The following NARS2 variants were observed in gnomAD, a reference collection of about 807,000 sequenced individuals.
NARS2 encodes the protein asparaginyl-tRNA synthetase 2, mitochondrial.
A neutral mutation model predicts 62.9 loss-of-function variants in NARS2; 60 were observed. The ratio of observed to expected loss-of-function variants is 0.95; its 90% CI spans 0.77 to 1.18. The LOEUF (loss-of-function observed/expected upper bound fraction) is 1.18. NARS2 is among the 50% of genes most tolerant of loss of function. NARS2 has a pLI of 0.00. For missense variants in NARS2, 619 were observed against 576.4 expected, an observed-to-expected ratio of 1.07 and a Z score of -0.76; for synonymous variants, 196 against 200.0, an observed-to-expected ratio of 0.98 and a Z score of 0.17.
At chr11:78,553,213 T>C (rs1331819747) in intron 5 of NARS2, among the ~76,000 whole-genome samples, 1 of 152,208 alleles carries the variant, frequency 6.6e-6, no homozygotes. Context: ...ATCAGTGATA[T>C]TGAGCTTTTT....
chr11:78,457,417 A>C (rs756867998), intron 11 of NARS2, among the ~76,000 whole-genome samples: 12 of 152,164 alleles, frequency 7.9e-5, no homozygotes, highest in African/African-American at 2.7e-4. Flanking sequence ...CTACTAAAAG[A>C]AACAGAATTT....
At chr11:78,473,977 C>T (rs958377600) in intron 9 of NARS2, among the ~76,000 whole-genome samples, 9 of 152,254 alleles carry the variant, frequency 5.9e-5, no homozygotes, top group Admixed American at 5.9e-4. Context: ...GCTTCCCTAC[C>T]CTACACCCTG....
intron 6 of NARS2, among the ~76,000 whole-genome samples, chr11:78,494,573 G>A (rs1176730092): frequency 1.4e-5 from 2 of 147,564 alleles, no homozygotes; most frequent in Admixed American, 6.9e-5. Flanking sequence ...ATTTCAGTAA[G>A]ACCCAATTGG....
chr11:78,563,848 AAAAATAT>A (rs1200132765), intron 4 of NARS2, among the ~76,000 whole-genome samples: 94 of 57,734 alleles, frequency 1.6e-3, no homozygotes, highest in Admixed American at 2.5e-3. Flanking sequence ...AAAAAAAAAA[AAAAATAT>A]ATATATATAT....
At position 78,566,277 on chromosome 11, in the gene NARS2, C is replaced by T. The variant is rs1314032342; in HGVS notation, c.373-5G>A. On this transcript the variant is annotated splice_polypyrimidine_tract_variant and splice_region_variant and intron_variant, in intron 3 of 13. Transcript: ENST00000281038. ...TTTATATTTGATGGGGAAATCCTGC[C>T]AATAAATGAAAAGAACAAATTAGAA... 1 of 1,568,992 alleles carries T rather than the reference C, an allele frequency of 6.4e-7. No individual in the cohort carries two copies. Among genetic ancestry groups the T allele is most frequent in the South Asian group, 1.2e-5 (1 of 84,270 alleles).
chr11:78,447,354 A>G (rs1013167776), intron 11 of NARS2, among the ~76,000 whole-genome samples: 1 of 152,128 alleles, frequency 6.6e-6, no homozygotes, highest in African/African-American at 2.4e-5. Context: ...ATGAAAAATA[A>G]GTTTGGAGAG....
chr11:78,450,482 G>T (rs182676678), intron 11 of NARS2, among the ~76,000 whole-genome samples: 14 of 152,222 alleles, frequency 9.2e-5, no homozygotes, highest in Admixed American at 2.6e-4. Context: ...ATTCTCTCCA[G>T]TGGTCAGTCT....
intron 5 of NARS2, among the ~76,000 whole-genome samples, chr11:78,535,057 GTAT>G (rs933289167): frequency 2.6e-5 from 4 of 152,186 alleles, no homozygotes; most frequent in African/African-American, 9.6e-5. Flanking sequence ...ACATATAAAA[GTAT>G]TATATCAAAT....
rs762091547 is a variant in NARS2 at position 78,574,330 on chromosome 11, C to T, written c.141+18G>A. ...AAGTCCCTACAAGAAAAAACCCACT[C>T]CCTTCCCATTCACCAACCTGGATCT... is the stretch of plus-strand genomic sequence containing the variant. On this transcript the variant is annotated intron_variant, in intron 1 of 13. Transcript: ENST00000281038. 12 of 1,614,222 alleles carry T rather than the reference C, an allele frequency of 7.4e-6. No individual in the cohort carries two copies. The South Asian group carries it at 1.1e-4, about 15-fold the overall frequency.
At chr11:78,551,290 T>C (rs892021425) in intron 5 of NARS2, among the ~76,000 whole-genome samples, 1 of 152,198 alleles carries the variant, frequency 6.6e-6, no homozygotes, top group Non-Finnish European at 1.5e-5. Flanking sequence ...AGACGGGGTA[T>C]AGCCTACTAC....
intron 1 of NARS2, among the ~76,000 whole-genome samples, chr11:78,573,691 G>A (rs1857011395): frequency 6.6e-6 from 1 of 152,198 alleles, no homozygotes; most frequent in African/African-American, 2.4e-5. Context: ...ATGAGCCACT[G>A]TTCTAAATAT....
At chr11:78,525,025 C>T (rs543430343) in intron 6 of NARS2, among the ~76,000 whole-genome samples, 3 of 152,122 alleles carry the variant, frequency 2.0e-5, no homozygotes, top group South Asian at 4.2e-4. Flanking sequence ...TATTACTAAG[C>T]AAAAGAAGCC....
chr11:78,463,222 C>A (rs1265731021), intron 11 of NARS2, among the ~76,000 whole-genome samples: 1 of 152,050 alleles, frequency 6.6e-6, no homozygotes, highest in Non-Finnish European at 1.5e-5. Context: ...CACCACTACA[C>A]CTGGCTAATT....
At chr11:78,477,957 T>C (rs1859173750) in intron 9 of NARS2, among the ~76,000 whole-genome samples, 2 of 152,132 alleles carry the variant, frequency 1.3e-5, no homozygotes, top group Admixed American at 6.5e-5. Context: ...TCAAACGTGG[T>C]TGGTCGTGTT....
intron 6 of NARS2, among the ~76,000 whole-genome samples, chr11:78,498,810 A>G (rs1291100698): frequency 1.3e-5 from 2 of 150,288 alleles, no homozygotes; most frequent in Non-Finnish European, 2.9e-5. Context: ...ATCCATCTCC[A>G]TTATATTGAA....
chr11:78,533,095 T>C (rs1028960486), intron 5 of NARS2: 1 of 152,190 alleles, frequency 6.6e-6, no homozygotes, highest in Non-Finnish European at 1.5e-5. Flanking sequence ...GGGACCCAAA[T>C]TAGGCCTTCA....
At chr11:78,440,961 G>A (rs1052316740) in intron 13 of NARS2, 130 bp downstream of exon 13, 3 of 757,738 alleles carry the variant, frequency 4.0e-6, no homozygotes, top group Non-Finnish European at 6.5e-6. Flanking sequence ...CCCCTTCCCT[G>A]ACCTAAGAAC....
chr11:78,563,853 T>A (rs973293565), intron 4 of NARS2, among the ~76,000 whole-genome samples: 4,089 of 17,518 alleles, frequency 0.23, 434 homozygotes, highest in African/African-American at 0.35. Flanking sequence ...AAAAAAAAAA[T>A]ATATATATAT....
At chr11:78,489,219 T>C (rs1469913688) in intron 7 of NARS2, among the ~76,000 whole-genome samples, 1 of 151,884 alleles carries the variant, frequency 6.6e-6, no homozygotes, top group Non-Finnish European at 1.5e-5. Context: ...CTAGAATATA[T>C]AAAGAATTCT....
Sources: allele counts gnomAD v4.1 joint callset (sites outside exome capture counted in the v4.1 genomes callset), GRCh38; gene constraint gnomAD v4.1.1; transcripts MANE v1.5; gene names NCBI Gene and HGNC (gene_info 2026-07-23, HGNC 2026-07-21).